The following TFDP2 variants were observed in gnomAD, a reference collection of about 807,000 sequenced individuals.
TFDP2 encodes the protein transcription factor Dp-2.
Under a neutral mutation model 59.3 loss-of-function variants are expected in TFDP2, and 17 were observed. That is an observed-to-expected ratio of 0.29 (90% CI 0.20 to 0.43). TFDP2 has a LOEUF of 0.43. Ranked by LOEUF, TFDP2 falls within the 20% of genes least tolerant of loss-of-function variation. TFDP2 has a pLI of 1.00. For missense variants in TFDP2, 391 were observed against 528.8 expected, an observed-to-expected ratio of 0.74 and a Z score of 2.56; for synonymous variants, 180 against 194.7, an observed-to-expected ratio of 0.92 and a Z score of 0.63.
At chr3:142,141,082 C>A (rs2062939617) in intron 1 of TFDP2, among the ~76,000 whole-genome samples, 1 of 152,194 alleles carries the variant, frequency 6.6e-6, no homozygotes, top group Non-Finnish European at 1.5e-5. Flanking sequence ...ATGGCGGACA[C>A]CCCTCCCCCA....
At chr3:142,119,391 C>T (rs2061959307) in intron 1 of TFDP2, among the ~76,000 whole-genome samples, 1 of 151,890 alleles carries the variant, frequency 6.6e-6, no homozygotes, top group Non-Finnish European at 1.5e-5. Flanking sequence ...AAATAACATA[C>T]AAAGCAAGAC....
intron 3 of TFDP2, among the ~76,000 whole-genome samples, chr3:142,006,062 T>C (rs1576668979): frequency 1.3e-5 from 2 of 152,184 alleles, no homozygotes; most frequent in East Asian, 3.8e-4. Flanking sequence ...GTTTTATAAC[T>C]AGAGAAAAAA....
rs1450906118 is a variant in TFDP2, at chr3:141,969,482, G to A, written c.732+591C>T. Among the ~76,000 whole-genome samples the A allele has an allele frequency of 6.0e-5, 9 of 151,076 alleles. No homozygotes were observed. The South Asian group carries it at 6.3e-4, about 11-fold the overall frequency. ...GAAAAAACTAGCCAGGCATGGTGGC[G>A]GGTACTTGTAATCCCAGCTACTTGG... is the stretch of plus-strand genomic sequence containing the variant. On this transcript the variant is annotated intron_variant, in intron 9 of 12. Transcript: ENST00000489671.
At chr3:142,106,027 A>G (rs1241257959) in intron 1 of TFDP2, among the ~76,000 whole-genome samples, 1 of 152,218 alleles carries the variant, frequency 6.6e-6, no homozygotes, top group Non-Finnish European at 1.5e-5. Context: ...TCTAAAATAA[A>G]TAATACATAA....
intron 4 of TFDP2, among the ~76,000 whole-genome samples, chr3:141,998,811 T>G (rs530437930): frequency 6.6e-6 from 1 of 152,140 alleles, no homozygotes; most frequent in East Asian, 1.9e-4. Flanking sequence ...CACATAGCAA[T>G]TGAACATTAC....
chr3:142,021,997 G>A (rs1945654743), intron 3 of TFDP2, among the ~76,000 whole-genome samples: 2 of 152,138 alleles, frequency 1.3e-5, no homozygotes, highest in South Asian at 4.1e-4. Context: ...AGCATATTCA[G>A]TCAAGGAAAC....
intron 3 of TFDP2, among the ~76,000 whole-genome samples, chr3:142,068,796 G>C (rs1320720434): frequency 1.3e-5 from 2 of 151,812 alleles, no homozygotes; most frequent in African/African-American, 4.8e-5. Flanking sequence ...TGGACTCAAT[G>C]GATCTGCCCG....
chr3:141,968,754 A>G (rs1231373410), intron 9 of TFDP2, among the ~76,000 whole-genome samples: 1 of 84,878 alleles, frequency 1.2e-5, no homozygotes, highest in Non-Finnish European at 2.2e-5. Flanking sequence ...ATATATAGAT[A>G]TATATAACAT....
chr3:142,139,806 CT>C (rs1234117251), intron 1 of TFDP2, among the ~76,000 whole-genome samples: 1 of 152,152 alleles, frequency 6.6e-6, no homozygotes, highest in Non-Finnish European at 1.5e-5. Context: ...AACACTTTTT[CT>C]TTCATTTCAA....
intron 3 of TFDP2, among the ~76,000 whole-genome samples, chr3:142,008,379 T>G (rs899541675): frequency 6.6e-6 from 1 of 152,120 alleles, no homozygotes; most frequent in Non-Finnish European, 1.5e-5. Context: ...ACTTCCTAAA[T>G]GCCTCTCAGA....
chr3:142,143,021 A>G (rs2063017919), intron 1 of TFDP2, among the ~76,000 whole-genome samples: 2 of 152,374 alleles, frequency 1.3e-5, no homozygotes, highest in South Asian at 4.1e-4. Context: ...AGATCACTTG[A>G]GGTCAGGAGT....
chr3:142,019,053 A>AT (rs62999460), intron 3 of TFDP2, among the ~76,000 whole-genome samples: 65 of 140,362 alleles, frequency 4.6e-4, no homozygotes, highest in East Asian at 8.3e-4. Context: ...TTCTTCGCAC[A>AT]TTTTTTTTTT....
chr3:141,954,924 C>T (rs546216473), intron 11 of TFDP2, among the ~76,000 whole-genome samples: 30 of 152,066 alleles, frequency 2.0e-4, no homozygotes, highest in Non-Finnish European at 3.5e-4. Context: ...AACTAAATGA[C>T]TATGCTAATT....
chr3:141,999,904 T>G (rs1182435113), intron 4 of TFDP2, among the ~76,000 whole-genome samples: 1 of 152,048 alleles, frequency 6.6e-6, no homozygotes, highest in Non-Finnish European at 1.5e-5. Context: ...CCCGGCTAAT[T>G]TTTTGTACTT....
chr3:142,113,112 A>T (rs1307850861), intron 1 of TFDP2, among the ~76,000 whole-genome samples: 1 of 152,230 alleles, frequency 6.6e-6, no homozygotes, highest in Non-Finnish European at 1.5e-5. Context: ...ATGCACAATG[A>T]CTACATGGAT....
intron 3 of TFDP2, among the ~76,000 whole-genome samples, chr3:142,013,822 C>T (rs1310890383): frequency 7.2e-6 from 1 of 139,620 alleles, no homozygotes; most frequent in Non-Finnish European, 1.5e-5. Flanking sequence ...AATTAATCAC[C>T]TTCAATATGT....
At chr3:142,098,029 G>A (rs959453868) in intron 2 of TFDP2, among the ~76,000 whole-genome samples, 4 of 152,146 alleles carry the variant, frequency 2.6e-5, no homozygotes, top group African/African-American at 9.7e-5. Context: ...CTGACCTCAA[G>A]TATCGCCTGC....
Position 141,953,097 on chromosome 3 carries a change from A to C in TFDP2, c.1052-81T>G, listed in dbSNP as rs1936120134. The stretch of plus-strand genomic sequence containing the variant: ...TTGTTACAGTCTGAGGAAAGCACAG[A>C]AAAGCAAGAGCTAAGCTTATTCTTC... On this transcript the variant is annotated intron_variant, in intron 11 of 12. Transcript: ENST00000489671. 1.2e-5 allele frequency: 12 copies of C among 960,964 alleles called. No individual in the cohort carries two copies. In the African/African-American group the frequency reaches 1.5e-4, roughly 12 times the overall value. 59.5% of individuals were successfully genotyped at this position (960,964 alleles called of 1,614,324 possible).
At chr3:142,118,761 CAGAG>C (rs2061933549) in intron 1 of TFDP2, among the ~76,000 whole-genome samples, 2 of 151,592 alleles carry the variant, frequency 1.3e-5, no homozygotes, top group South Asian at 2.1e-4. Context: ...TTAAAAAAAA[CAGAG>C]AGAAATTGAT....
Sources: gnomAD v4.1 joint callset for allele counts (sites outside exome capture counted in the v4.1 genomes callset) on GRCh38, gnomAD v4.1.1 for gene constraint, MANE v1.5 for transcripts, NCBI Gene and HGNC (gene_info 2026-07-23, HGNC 2026-07-21) for gene names.